Variants in STYXL1 observed in about 807,000 individuals in gnomAD.
STYXL1 encodes the protein serine/threonine/tyrosine interacting like 1, also known as serine/threonine/tyrosine-interacting-like protein 1.
A neutral mutation model predicts 36.4 loss-of-function variants in STYXL1; 32 were observed. The observed-to-expected ratio is 0.88, with a 90% CI of 0.66 to 1.18. The LOEUF is 1.18. Ranked by LOEUF, STYXL1 falls within the 50% of genes most tolerant of loss-of-function variation. The pLI is 0.00. For synonymous variants in STYXL1, 133 were observed against 144.1 expected (o/e 0.92, Z 0.55); for missense variants, 354 against 394.1 (o/e 0.90, Z 0.86).
At chr7:76,026,335 T>C (rs1794726451) in intron 3 of STYXL1, among the ~76,000 whole-genome samples, 1 of 150,230 alleles carries the variant, frequency 6.7e-6, no homozygotes, top group Non-Finnish European at 1.5e-5. Flanking sequence ...TCTTGCTCTG[T>C]CGCCCAGGCT....
rs189891688 is a variant in STYXL1, at chr7:76,004,463, G to A, written c.600-608C>T. ...TCACACCTGTAAACCCAGCACTTTG[G>A]GAGGCCAAGGCAGGCAGATCACTTG... On this transcript the variant is annotated intron_variant, in intron 6 of 8. Transcript: ENST00000359697. Among the ~76,000 whole-genome samples the A allele has an allele frequency of 1.3e-3, 203 of 152,140 alleles. 9 individuals are homozygous for A. The South Asian group carries it at 0.038, about 28-fold the overall frequency.
In STYXL1 at chr7:76,001,017, G is replaced by T. The variant is rs782797659; in HGVS notation, c.698-15C>A. The T allele has an allele frequency of 1.5e-5, 24 of 1,603,696 alleles. No homozygotes were observed. The highest frequency in any genetic ancestry group is 1.7e-4 in the Middle Eastern group (1 of 6,060). ...ATGGTGAATTTCTGCAAAAAGAAGTGGGGGGTTGGGTCATGCCTGGCCCTC... is the reference window on the plus strand; with the variant it reads ...ATGGTGAATTTCTGCAAAAAGAAGTTGGGGGTTGGGTCATGCCTGGCCCTC... On this transcript the variant is annotated splice_polypyrimidine_tract_variant and intron_variant, in intron 7 of 8. Transcript: ENST00000359697.
chr7:76,041,494 A>G lies in STYXL1; in HGVS notation c.-5+6168T>C, dbSNP rs577589189. ...GTGATTTGGCTATTAAGATGGATGA[A>G]TGTCTTCTCCAGGGAATGGACTAGT... On this transcript the variant is annotated intron_variant, in intron 1 of 8. Transcript: ENST00000359697. Among the ~76,000 whole-genome samples, 10 of 152,252 alleles carry G rather than the reference A, an allele frequency of 6.6e-5. No homozygotes were observed. In the South Asian group the frequency reaches 2.1e-3, roughly 32 times the overall value.
Position 76,005,288 on chromosome 7 carries a change from A to G in STYXL1, c.570T>C (p.His190=). The G allele has an allele frequency of 6.2e-7, 1 of 1,610,606 alleles. No individual in the cohort carries two copies. The highest frequency in any genetic ancestry group is 1.3e-5 in the African/African-American group (1 of 75,020). Residue 190 remains histidine, a synonymous_variant, in exon 6 of 9, where the codon CAT becomes CAC. Coordinates refer to ENST00000359697, the MANE Select transcript of STYXL1 (RefSeq NM_001317785.2). The stretch of plus-strand genomic sequence containing the variant: ...GCCCTGTATCCATGGAGACATTGAC[A>G]TGGGCTTTGATTTTCAAGTCCTTCT... ...KIQKDLKIKA[H]VNVSMDTGPF...
intron 4 of STYXL1, among the ~76,000 whole-genome samples, chr7:76,020,068 G>A (rs1388597272): frequency 1.3e-5 from 2 of 152,124 alleles, no homozygotes; most frequent in Non-Finnish European, 2.9e-5. Context: ...TTGTGTGGTT[G>A]TGGTTTCCTG....
Position 76,047,936 on chromosome 7 carries a change from G to C in STYXL1, c.-279C>G, listed in dbSNP as rs1015127362. On this transcript the variant is annotated 5_prime_UTR_variant, in exon 1 of 9. Coordinates refer to ENST00000359697, the MANE Select transcript of STYXL1 (RefSeq NM_001317785.2). ...ACCGGCCACACAGACGGCTACGCTA[G>C]AACCCAGCCAAACACCGGGGTTGCC... 11 of 1,449,950 alleles carry C rather than the reference G, an allele frequency of 7.6e-6. No homozygotes were observed. Among genetic ancestry groups the C allele is most frequent in the African/African-American group, 7.1e-5 (5 of 70,266 alleles). The allele number at this position is 1,449,950 out of a possible 1,614,324, so 89.8% of individuals were successfully genotyped here.
intron 4 of STYXL1, among the ~76,000 whole-genome samples, chr7:76,015,410 T>C (rs114642017): frequency 0.011 from 1,663 of 152,254 alleles, 25 homozygotes; most frequent in African/African-American, 0.036. Context: ...CTGAAAACTA[T>C]AGAAATCCTA....
At chr7:76,029,819 T>C (rs1554578711) in intron 2 of STYXL1, among the ~76,000 whole-genome samples, 4 of 152,016 alleles carry the variant, frequency 2.6e-5, no homozygotes. Flanking sequence ...AATCTAATGC[T>C]GCTGCTGATC....
At chr7:76,032,920 A>T (rs1413976014) in intron 1 of STYXL1, among the ~76,000 whole-genome samples, 1 of 152,108 alleles carries the variant, frequency 6.6e-6, no homozygotes, top group Non-Finnish European at 1.5e-5. Flanking sequence ...AGTACCTAAG[A>T]GAGTTCAAAG....
At chr7:76,002,111 T>A (rs994978053) in intron 7 of STYXL1, among the ~76,000 whole-genome samples, 3 of 152,118 alleles carry the variant, frequency 2.0e-5, no homozygotes, top group African/African-American at 7.2e-5. Context: ...TCCAGCTAAC[T>A]TTTTTGTACA....
chr7:76,047,973 A>T lies in STYXL1; in HGVS notation c.-316T>A. 1 of 1,477,472 alleles carries T rather than the reference A, an allele frequency of 6.8e-7. No individual in the cohort carries two copies. Among genetic ancestry groups the T allele is most frequent in the Non-Finnish European group, 9.0e-7 (1 of 1,114,782 alleles). 91.5% of individuals were successfully genotyped at this position (1,477,472 alleles called of 1,614,324 possible). On this transcript the variant is annotated 5_prime_UTR_variant, in exon 1 of 9. Coordinates refer to ENST00000359697, the MANE Select transcript of STYXL1 (RefSeq NM_001317785.2). ...ACACCGGGGTTGCCAGGATGGTCCC[A>T]CAGCTTTCCTTTCCGACTCCCGGAA...
chr7:75,999,657 C>T (rs1482360460), intron 8 of STYXL1, among the ~76,000 whole-genome samples: 1 of 151,858 alleles, frequency 6.6e-6, no homozygotes, highest in Non-Finnish European at 1.5e-5. Context: ...TAGCGATTCT[C>T]CTGCCTCAGC....
chr7:76,025,079 T>A (rs189892479), intron 3 of STYXL1, among the ~76,000 whole-genome samples: 8 of 124,918 alleles, frequency 6.4e-5, no homozygotes, highest in Non-Finnish European at 1.3e-4. Context: ...CAGGTGAGAG[T>A]GGAAGTGTAC....
At chr7:76,019,743 A>G (rs966043142) in intron 4 of STYXL1, among the ~76,000 whole-genome samples, 1 of 152,072 alleles carries the variant, frequency 6.6e-6, no homozygotes, top group Admixed American at 6.6e-5. Context: ...AGGCTGAGAG[A>G]GAATCTGCAG....
intron 1 of STYXL1, among the ~76,000 whole-genome samples, chr7:76,041,996 T>C (rs1447272359): frequency 6.6e-6 from 1 of 152,186 alleles, no homozygotes; most frequent in Non-Finnish European, 1.5e-5. Flanking sequence ...ATGAAAACCG[T>C]AGATCAATAA....
At chr7:76,024,192 G>C (rs1794403804) in intron 3 of STYXL1, among the ~76,000 whole-genome samples, 1 of 152,100 alleles carries the variant, frequency 6.6e-6, no homozygotes, top group South Asian at 2.1e-4. Flanking sequence ...TATTACTTTA[G>C]AGAGCACCAC....
intron 1 of STYXL1, among the ~76,000 whole-genome samples, chr7:76,034,773 T>A (rs1008829016): frequency 1.3e-5 from 2 of 152,068 alleles, no homozygotes; most frequent in Non-Finnish European, 2.9e-5. Context: ...ACAGAAAGTA[T>A]CTCCAGACAT....
intron 8 of STYXL1, among the ~76,000 whole-genome samples, chr7:75,998,112 C>T (rs1194915441): frequency 6.6e-6 from 1 of 152,136 alleles, no homozygotes; most frequent in African/African-American, 2.4e-5. Flanking sequence ...CATATGGAAT[C>T]TCAAAGGACC....
intron 4 of STYXL1, among the ~76,000 whole-genome samples, chr7:76,020,301 G>A (rs546211409): frequency 3.3e-5 from 5 of 152,306 alleles, no homozygotes; most frequent in African/African-American, 4.8e-5. Context: ...GGAGCATAGC[G>A]CCACCCCGTG....
Sources: allele counts gnomAD v4.1 joint callset (sites outside exome capture counted in the v4.1 genomes callset), GRCh38; gene constraint gnomAD v4.1.1; transcripts MANE v1.5; gene names NCBI Gene and HGNC (gene_info 2026-07-23, HGNC 2026-07-21).